ABCF1: variants seen among roughly 807,000 people sequenced by gnomAD.
ABCF1 encodes the protein ATP-binding cassette sub-family F member 1.
ABCF1 carries 73 observed loss-of-function variants against 126.3 expected under a neutral mutation model. The ratio of observed to expected loss-of-function variants is 0.58; its 90% CI spans 0.48 to 0.70. ABCF1 has a LOEUF of 0.70. Among genes scored for constraint, ABCF1 ranks in the 30% least tolerant of loss-of-function variants. The probability of loss-of-function intolerance (pLI) is 0.00; values close to 1 mark genes in which losing one functional copy is unlikely to be tolerated. For missense variants in ABCF1, 786 were observed against 1,057.5 expected, an observed-to-expected ratio of 0.74 and a Z score of 3.56; for synonymous variants, 345 against 396.4, an observed-to-expected ratio of 0.87 and a Z score of 1.54.
intron 20 of ABCF1, among the ~76,000 whole-genome samples, chr6:30,587,616 C>G (rs557493222): frequency 2.8e-4 from 42 of 150,418 alleles, no homozygotes; most frequent in African/African-American, 7.8e-4. Flanking sequence ...GCCTGGGCAA[C>G]AAGAGCAAAA....
intron 1 of ABCF1, 73 bp from the exon 2 acceptor site, chr6:30,577,336 G>C (rs1801554727): frequency 7.0e-7 from 1 of 1,429,120 alleles, no homozygotes; most frequent in South Asian, 1.2e-5. Context: ...AGGCTACAGA[G>C]ATCTTTGCAG....
In ABCF1 at chr6:30,583,173, T is replaced by C; in HGVS notation, c.900T>C (p.Asn300=). 6.2e-7 allele frequency: 1 copy of C among 1,607,594 alleles called. No homozygotes were observed. The highest frequency in any genetic ancestry group is 8.5e-7 in the Non-Finnish European group (1 of 1,175,378). The change falls in exon 10 of 25, where the codon AAT becomes AAC. Residue 300 remains asparagine, a synonymous_variant. Transcript: ENST00000326195. The surrounding 1 kb of genome is among the most constrained non-coding windows in gnomAD (Gnocchi z 4.1). The part of the protein sequence containing the change: ...EMSSRQAMLE[N]ASDIKLEKFS... Reference sequence around the variant, plus strand: ...CCTCCCGCCAAGCCATGTTAGAAAATGCATCTGACATCAAGGTAAGGTCTC... The same window carrying C: ...CCTCCCGCCAAGCCATGTTAGAAAACGCATCTGACATCAAGGTAAGGTCTC...
chr6:30,572,626 C>T (rs1801310555), intron 1 of ABCF1, among the ~76,000 whole-genome samples: 1 of 152,148 alleles, frequency 6.6e-6, no homozygotes. Context: ...GCCTCAGTCT[C>T]CCAAGTAGTT....
chr6:30,584,060 T>C lies in ABCF1; in HGVS notation c.1103-132T>C. 7.0e-7 allele frequency: 1 copy of C among 1,425,010 alleles called. No homozygotes were observed. The highest frequency in any genetic ancestry group is 2.4e-5 in the East Asian group (1 of 41,738). 88.3% of individuals were successfully genotyped at this position (1,425,010 alleles called of 1,614,324 possible). On this transcript the variant is annotated intron_variant, in intron 12 of 24. Transcript: ENST00000326195. The surrounding 1 kb of genome is among the most constrained non-coding windows in gnomAD (Gnocchi z 4.6). ...AGGAGGGGAGGGTCAATGAGGAACT[T>C]GAGAGTGTTTTATTTGGAACAAGTA...
chr6:30,579,981 A>G lies in ABCF1; in HGVS notation c.540A>G (p.Glu180=), dbSNP rs1361085556. The change falls in exon 7 of 25, where the codon GAA becomes GAG. Residue 180 remains glutamate, a synonymous_variant. Transcript: ENST00000326195. ...CACTCAAGGGCAAAAAGGGAAAGGAAGAGAAGTCAAAAGGGAAGGCTAAGG... is the reference window on the plus strand; with the variant it reads ...CACTCAAGGGCAAAAAGGGAAAGGAGGAGAAGTCAAAAGGGAAGGCTAAGG... The part of the protein sequence containing the change: ...QPALKGKKGK[E]EKSKGKAKPQ... 6.2e-7 allele frequency: 1 copy of G among 1,612,788 alleles called. No individual in the cohort carries two copies. The highest frequency in any genetic ancestry group is 1.1e-5 in the South Asian group (1 of 91,062).
Position 30,585,360 on chromosome 6 carries a change from G to A in ABCF1, c.1475+17G>A. The stretch of plus-strand genomic sequence containing the variant: ...GCTTAATAAGTGCGTTACGGCCTTT[G>A]CATCATTGGTTCCCATTCTGCACTT... On this transcript the variant is annotated intron_variant, in intron 15 of 24. Coordinates refer to ENST00000326195, the MANE Select transcript of ABCF1 (RefSeq NM_001025091.2). 8 of 1,611,262 alleles carry A rather than the reference G, an allele frequency of 5.0e-6. No homozygotes were observed. The highest frequency in any genetic ancestry group is 5.9e-6 in the Non-Finnish European group (7 of 1,178,226).
rs762758549 is a variant in ABCF1 at position 30,571,445 on chromosome 6, A to G, written c.-43A>G. ...GGGGTTCCCCGCCGCCGGAAGCGGA[A>G]ATAGCACCGGGCGCCGCCACAGTAG... On this transcript the variant is annotated 5_prime_UTR_variant, in exon 1 of 25. Transcript: ENST00000326195. 7 of 1,583,314 alleles carry G rather than the reference A, an allele frequency of 4.4e-6. No individual in the cohort carries two copies. The African/African-American group carries it at 9.4e-5, about 21-fold the overall frequency.
At chr6:30,577,972 T>C in intron 3 of ABCF1, 59 bp downstream of exon 3, 1 of 1,613,326 alleles carries the variant, frequency 6.2e-7, no homozygotes, top group Non-Finnish European at 8.5e-7. Flanking sequence ...CCAACCCCTT[T>C]CCAGCCCATG....
chr6:30,571,843 T>C (rs1582562843), intron 1 of ABCF1, among the ~76,000 whole-genome samples: 1 of 151,890 alleles, frequency 6.6e-6, no homozygotes, highest in East Asian at 1.9e-4. Flanking sequence ...GGGAAAACCT[T>C]GCTTAAAAAA....
At chr6:30,579,079 C>T (rs550337661) in intron 6 of ABCF1, among the ~76,000 whole-genome samples, 2 of 152,194 alleles carry the variant, frequency 1.3e-5, no homozygotes, top group East Asian at 3.9e-4. Context: ...AAGCACAGAA[C>T]CTGAAACAAA....
intron 9 of ABCF1, 77 bp downstream of exon 9, chr6:30,582,584 C>T (rs1050553690): frequency 2.0e-6 from 3 of 1,485,692 alleles, no homozygotes; most frequent in Admixed American, 1.8e-5. Context: ...ATTGGGGACA[C>T]GAAGGAAAGG....
intron 23 of ABCF1, 30 bp from the exon 24 acceptor site, chr6:30,590,276 G>T: frequency 6.2e-7 from 1 of 1,612,192 alleles, no homozygotes; most frequent in Non-Finnish European, 8.5e-7. Context: ...GGGAGTTGCA[G>T]TGCTCAGTCA....
At chr6:30,573,919 G>A (rs6927603) in intron 1 of ABCF1, among the ~76,000 whole-genome samples, 3,963 of 152,244 alleles carry the variant, frequency 0.026, 144 homozygotes, top group African/African-American at 0.08. Flanking sequence ...AACAGTAATG[G>A]GGGAGAGGGG....
chr6:30,585,997 C>T lies in ABCF1; in HGVS notation c.1713+6C>T. On this transcript the variant is annotated splice_donor_region_variant and intron_variant, in intron 17 of 24. Coordinates refer to ENST00000326195, the MANE Select transcript of ABCF1 (RefSeq NM_001025091.2). ...GGAAGTCCACCAAGCAGGCGGTGAG[C>T]ACCTGAGGGACTTCTGGGCTGGGGG... The T allele has an allele frequency of 1.2e-6, 2 of 1,605,654 alleles. No homozygotes were observed. Among genetic ancestry groups the T allele is most frequent in the South Asian group, 1.1e-5 (1 of 90,168 alleles).
Position 30,578,220 on chromosome 6 carries a change from G to C in ABCF1, c.343+18G>C, listed in dbSNP as rs186720453. 14 of 1,613,746 alleles carry C rather than the reference G, an allele frequency of 8.7e-6. No homozygotes were observed. In the African/African-American group the frequency reaches 1.7e-4, roughly 20 times the overall value. On this transcript the variant is annotated intron_variant, in intron 4 of 24. Coordinates refer to ENST00000326195, the MANE Select transcript of ABCF1 (RefSeq NM_001025091.2). ...GGATGAAGGTAAATGACCTGAGGGGGAATGGGTACCTGGAATCCATGAGTC... is the reference window on the plus strand; with the variant it reads ...GGATGAAGGTAAATGACCTGAGGGGCAATGGGTACCTGGAATCCATGAGTC...
rs1446143545 is a variant in ABCF1, at chr6:30,582,434, AAGG to A, written c.725_727del (p.Gly242del). The stretch of plus-strand genomic sequence containing the variant: ...GGAGAAGGGGAAGAAGAGGAGGAGG[AAGG>A]AGGAGAGTCTAAGGCAGATGATCCC... On this transcript the variant is annotated inframe_deletion, in exon 9 of 25. Transcript: ENST00000326195. 1.9e-6 allele frequency: 3 copies of A among 1,612,368 alleles called. No individual in the cohort carries two copies. The highest frequency in any genetic ancestry group is 2.7e-5 in the African/African-American group (2 of 74,902).
chr6:30,577,950 A>G (rs775257492), intron 3 of ABCF1, 37 bp downstream of exon 3: 6 of 1,613,518 alleles, frequency 3.7e-6, no homozygotes, highest in Non-Finnish European at 5.1e-6. Flanking sequence ...CCTGGGAGGC[A>G]TCTGGGTTCC....
At position 30,583,282 on chromosome 6, in the gene ABCF1, G is replaced by T. The variant is rs1801925705; in HGVS notation, c.915+94G>T. The T allele has an allele frequency of 2.7e-6, 4 of 1,478,010 alleles. No homozygotes were observed. In the Admixed American group the frequency reaches 8.7e-5, roughly 32 times the overall value. The allele number at this position is 1,478,010 out of a possible 1,614,324, so 91.6% of individuals were successfully genotyped here. ...GTGGCTGTGGTGTGTGAATGGGTTA[G>T]TTCAGTGGGAAGAAAGATTGGAGGC... On this transcript the variant is annotated intron_variant, in intron 10 of 24. Transcript: ENST00000326195. This position sits in a 1 kb window ranked among gnomAD's most constrained non-coding sequence, Gnocchi z 4.1.
At position 30,574,430 on chromosome 6, in the gene ABCF1, C is replaced by T. The variant is rs889676344; in HGVS notation, c.73+2870C>T. Among the ~76,000 whole-genome samples, 5 of 152,168 alleles carry T rather than the reference C, an allele frequency of 3.3e-5. No individual in the cohort carries two copies. The highest frequency in any genetic ancestry group is 6.5e-5 in the Admixed American group (1 of 15,270). On this transcript the variant is annotated intron_variant, in intron 1 of 24. Transcript: ENST00000326195. The surrounding 1 kb of genome is among the most constrained non-coding windows in gnomAD (Gnocchi z 4.3). ...GGGATTACAGGCGTGAGCCAGTGTG[C>T]CTGGCCACAAAAGAGATTTAAAGGA...
Sources: allele counts gnomAD v4.1 joint callset (sites outside exome capture counted in the v4.1 genomes callset), GRCh38; gene constraint gnomAD v4.1.1; non-coding constraint Gnocchi (gnomAD v3.1); transcripts MANE v1.5; gene names NCBI Gene and HGNC (gene_info 2026-07-23, HGNC 2026-07-21).